Variants in ENTPD7 observed in about 807,000 individuals in gnomAD.
The protein encoded by ENTPD7 is NTPDase 7.
Under a neutral mutation model 77.9 loss-of-function variants are expected in ENTPD7, and 53 were observed. The ratio of observed to expected loss-of-function variants is 0.68; its 90% CI spans 0.55 to 0.85. ENTPD7 has a LOEUF of 0.85. Among genes scored for constraint, ENTPD7 ranks in the 40% least tolerant of loss-of-function variants. The pLI is 0.00. For synonymous variants in ENTPD7, 248 were observed against 274.9 expected, an observed-to-expected ratio of 0.90 and a Z score of 0.97; for missense variants, 636 against 743.7, an observed-to-expected ratio of 0.86 and a Z score of 1.68.
chr10:99,667,093 T>C (rs759796520), intron 3 of ENTPD7, among the ~76,000 whole-genome samples: 19 of 152,220 alleles, frequency 1.2e-4, no homozygotes, highest in Non-Finnish European at 5.9e-5. Context: ...TAGGTTGAAT[T>C]AATTGAAACA....
chr10:99,702,509 C>G lies in ENTPD7; in HGVS notation c.1422-3C>G. On this transcript the variant is annotated splice_region_variant and splice_polypyrimidine_tract_variant and intron_variant, in intron 11 of 12. Transcript: ENST00000370489. The stretch of plus-strand genomic sequence containing the variant: ...TTAAAATTTAATTATTTTTGTCACA[C>G]AGATATCAGTGTTTTAAATCGGCTT... 1 of 1,544,368 alleles carries G rather than the reference C, an allele frequency of 6.5e-7. No homozygotes were observed. The highest frequency in any genetic ancestry group is 1.4e-5 in the African/African-American group (1 of 71,898).
In ENTPD7 at chr10:99,695,976, GC is replaced by G. The variant is rs765942072; in HGVS notation, c.865del (p.Leu289TrpfsTer41). 5.6e-6 allele frequency: 9 copies of G among 1,613,398 alleles called. No individual in the cohort carries two copies. In the African/African-American group the frequency reaches 1.2e-4, roughly 22 times the overall value. On this transcript the variant is annotated frameshift_variant, in exon 9 of 13. Transcript: ENST00000370489. LOFTEE classifies it high-confidence loss of function. Reference sequence around the variant, plus strand: ...TATAGGAAGAAGCTGCCAAGATCCTGCTGGCTGAGTTCAACCTGGGCTGTGA... The same window carrying G: ...TATAGGAAGAAGCTGCCAAGATCCTGTGGCTGAGTTCAACCTGGGCTGTGA... ...AKQEEAAKIL[L>X]AEFNLGCDVQ...
chr10:99,696,902 GGGT>G (rs1280423877), intron 9 of ENTPD7, among the ~76,000 whole-genome samples: 10 of 152,176 alleles, frequency 6.6e-5, no homozygotes, highest in African/African-American at 2.2e-4. Context: ...GCAGTGCTGA[GGGT>G]CTAGCCTAGG....
intron 5 of ENTPD7, among the ~76,000 whole-genome samples, chr10:99,680,730 G>A (rs1264521095): frequency 6.6e-6 from 1 of 151,908 alleles, no homozygotes; most frequent in South Asian, 2.1e-4. Context: ...GGGACTACAG[G>A]TGGGCACCAT....
Position 99,688,727 on chromosome 10 carries a change from T to TG in ENTPD7, c.689dup (p.Arg231LysfsTer7). On this transcript the variant is annotated frameshift_variant, in exon 7 of 13. Coordinates refer to ENST00000370489, the MANE Select transcript of ENTPD7 (RefSeq NM_020354.5). LOFTEE classifies it high-confidence loss of function. ...GCATGGATTGGAATCAACTTTGTTTTGGGAAGATTCGACCACGAGGATGGT... is the reference window on the plus strand; with the variant it reads ...GCATGGATTGGAATCAACTTTGTTTTGGGGAAGATTCGACCACGAGGATGGT... 1 of 1,614,004 alleles carries TG rather than the reference T, an allele frequency of 6.2e-7. No individual in the cohort carries two copies. The highest frequency in any genetic ancestry group is 1.1e-5 in the South Asian group (1 of 91,082).
At chr10:99,660,526 G>GCACACACACA (rs68112730) in intron 2 of ENTPD7, 30 of 283,214 alleles carry the variant, frequency 1.1e-4, no homozygotes, top group Non-Finnish European at 1.8e-4. Flanking sequence ...GAATGGATAC[G>GCACACACACA]CACACACACA....
intron 3 of ENTPD7, among the ~76,000 whole-genome samples, chr10:99,672,952 A>G (rs939753943): frequency 2.6e-5 from 4 of 152,244 alleles, no homozygotes; most frequent in African/African-American, 9.6e-5. Context: ...TTGCTTAGTT[A>G]CAGCTCTAAC....
rs773655463 is a variant in ENTPD7, at chr10:99,688,705, T to C, written c.664T>C (p.Trp222Arg). ...ISGKQEGVYA[W>R]IGINFVLGRF... ...TGTTTCTTACTTAGGGGTTTATGCATGGATTGGAATCAACTTTGTTTTGGG... is the reference window on the plus strand; with the variant it reads ...TGTTTCTTACTTAGGGGTTTATGCACGGATTGGAATCAACTTTGTTTTGGG... The change falls in exon 7 of 13, where the codon TGG (tryptophan) becomes CGG (arginine). Residue 222 changes from tryptophan to arginine, a missense_variant. Physicochemically the swap from Trp to Arg is moderately radical, Grantham distance 101. This residue lies in a region of ENTPD7 where 486 missense variants were observed against 556.5 expected (regional missense o/e 0.87). Coordinates refer to ENST00000370489, the MANE Select transcript of ENTPD7 (RefSeq NM_020354.5). The C allele has an allele frequency of 6.2e-7, 1 of 1,613,964 alleles. No individual in the cohort carries two copies. Among genetic ancestry groups the C allele is most frequent in the Non-Finnish European group, 8.5e-7 (1 of 1,179,890 alleles).
In ENTPD7 at chr10:99,710,382, C is replaced by A. The variant is rs954066404; in HGVS notation, c.*5699C>A. The A allele has an allele frequency of 1.2e-5, 12 of 985,180 alleles. No homozygotes were observed. The highest frequency in any genetic ancestry group is 1.4e-5 in the Non-Finnish European group (12 of 829,866). The allele number at this position is 985,180 out of a possible 1,614,324, so 61.0% of individuals were successfully genotyped here. On this transcript the variant is annotated 3_prime_UTR_variant, in exon 13 of 13. Transcript: ENST00000370489. ...TCCTGAAGTACATGCCATGTACTCC[C>A]CCTTTATTTCTACCTTGATCAATGG... is the stretch of plus-strand genomic sequence containing the variant.
intron 3 of ENTPD7, among the ~76,000 whole-genome samples, chr10:99,664,295 C>T (rs1251678975): frequency 1.3e-5 from 2 of 152,094 alleles, no homozygotes; most frequent in Admixed American, 1.3e-4. Context: ...GAGTCTCACT[C>T]TGTCACCCAG....
chr10:99,679,507 G>A (rs1341612950), intron 4 of ENTPD7, 41 bp downstream of exon 4: 2 of 1,552,836 alleles, frequency 1.3e-6, no homozygotes, highest in South Asian at 1.2e-5. Context: ...CTCTTTTAAG[G>A]CATGAAAGAG....
chr10:99,672,860 A>G (rs904598039), intron 3 of ENTPD7, among the ~76,000 whole-genome samples: 4 of 152,192 alleles, frequency 2.6e-5, no homozygotes, highest in South Asian at 2.1e-4. Flanking sequence ...GGCTACTTCA[A>G]TTGACTTTTG....
At chr10:99,689,624 G>A (rs1044159099) in intron 7 of ENTPD7, among the ~76,000 whole-genome samples, 5 of 152,170 alleles carry the variant, frequency 3.3e-5, no homozygotes, top group African/African-American at 1.2e-4. Flanking sequence ...CTCACATCAG[G>A]AGTTTTGTAA....
At chr10:99,677,139 G>T (rs1564629443) in intron 3 of ENTPD7, among the ~76,000 whole-genome samples, 1 of 152,114 alleles carries the variant, frequency 6.6e-6, no homozygotes, top group Non-Finnish European at 1.5e-5. Context: ...CTGATTGGGG[G>T]TGGTTTTATT....
At chr10:99,673,718 A>G (rs752657222) in intron 3 of ENTPD7, among the ~76,000 whole-genome samples, 3 of 152,224 alleles carry the variant, frequency 2.0e-5, no homozygotes, top group African/African-American at 4.8e-5. Context: ...AGAGGATAAC[A>G]AGATACTTTA....
chr10:99,691,207 G>T (rs2035878490), intron 7 of ENTPD7, among the ~76,000 whole-genome samples, 178 bp from the exon 8 acceptor site: 1 of 152,018 alleles, frequency 6.6e-6, no homozygotes, highest in Non-Finnish European at 1.5e-5. Flanking sequence ...GCCTAGGCTG[G>T]TCTTGAACTC....
chr10:99,672,738 G>A (rs145235523), intron 3 of ENTPD7, among the ~76,000 whole-genome samples: 134 of 152,314 alleles, frequency 8.8e-4, no homozygotes, highest in Middle Eastern at 3.4e-3. Context: ...ACTATCATCA[G>A]TCATGCACAG....
chr10:99,669,753 T>TG (rs1460769753), intron 3 of ENTPD7, among the ~76,000 whole-genome samples: 8 of 128,964 alleles, frequency 6.2e-5, no homozygotes, highest in South Asian at 2.8e-4. Flanking sequence ...TTTTTTTTTT[T>TG]TTTTTTTTTT....
At chr10:99,676,512 C>G (rs1419835499) in intron 3 of ENTPD7, among the ~76,000 whole-genome samples, 4 of 152,102 alleles carry the variant, frequency 2.6e-5, no homozygotes, top group Admixed American at 2.0e-4. Context: ...CAGGAAGATT[C>G]TGTGAAGCAT....
Sources: allele counts gnomAD v4.1 joint callset (sites outside exome capture counted in the v4.1 genomes callset), GRCh38; gene constraint gnomAD v4.1.1; regional missense constraint gnomAD v4.1.1; transcripts MANE v1.5; gene names NCBI Gene and HGNC (gene_info 2026-07-23, HGNC 2026-07-21).